Variants in GTF2IRD1 observed in about 807,000 individuals in gnomAD.
GTF2IRD1 encodes the protein general transcription factor II-I repeat domain-containing protein 1.
A neutral mutation model predicts 113.2 loss-of-function variants in GTF2IRD1; 26 were observed. That is an observed-to-expected ratio of 0.23 (90% CI 0.17 to 0.32). The LOEUF (loss-of-function observed/expected upper bound fraction) is 0.32, where lower values mean the gene tolerates loss of function less well. Ranked by LOEUF, GTF2IRD1 falls within the 10% of genes least tolerant of loss-of-function variation. GTF2IRD1 has a pLI of 1.00. For missense variants in GTF2IRD1, 864 were observed against 1,280.8 expected, an observed-to-expected ratio of 0.67 and a Z score of 4.97; for synonymous variants, 484 against 529.1, an observed-to-expected ratio of 0.91 and a Z score of 1.17.
intron 1 of GTF2IRD1, among the ~76,000 whole-genome samples, chr7:74,483,854 CTT>C (rs1319760276): frequency 6.6e-6 from 1 of 150,774 alleles, no homozygotes; most frequent in East Asian, 1.9e-4. Flanking sequence ...GACTCTGTCT[CTT>C]TAAAAAAAAA....
At chr7:74,486,434 C>G (rs2117172050) in intron 1 of GTF2IRD1, among the ~76,000 whole-genome samples, 1 of 152,300 alleles carries the variant, frequency 6.6e-6, no homozygotes, top group African/African-American at 2.4e-5. Context: ...TGGATGTCAG[C>G]CACCAGGCAG....
intron 1 of GTF2IRD1, among the ~76,000 whole-genome samples, chr7:74,481,647 G>A (rs782091049): frequency 6.6e-6 from 1 of 152,188 alleles, no homozygotes; most frequent in Non-Finnish European, 1.5e-5. Flanking sequence ...AGGTCATCCT[G>A]TCCAGTGTTG....
chr7:74,541,128 A>G (rs1326353060), intron 14 of GTF2IRD1, among the ~76,000 whole-genome samples: 2 of 152,006 alleles, frequency 1.3e-5, no homozygotes, highest in Non-Finnish European at 2.9e-5. Flanking sequence ...GGGAAAAAGC[A>G]GTGGACCAAA....
chr7:74,571,092 C>T (rs1292607379), intron 22 of GTF2IRD1: 22 of 984,868 alleles, frequency 2.2e-5, no homozygotes, highest in Non-Finnish European at 2.5e-5. Flanking sequence ...TGTGGGAAGG[C>T]AGCGCCCCAC....
chr7:74,586,674 C>G (rs1486650999), intron 22 of GTF2IRD1, among the ~76,000 whole-genome samples: 16 of 152,234 alleles, frequency 1.1e-4, no homozygotes, highest in South Asian at 2.1e-4. Flanking sequence ...GGGAAGCTCC[C>G]TGCTCTTTGG....
intron 1 of GTF2IRD1, among the ~76,000 whole-genome samples, chr7:74,490,135 T>C (rs1353160700): frequency 6.6e-6 from 1 of 152,056 alleles, no homozygotes; most frequent in Non-Finnish European, 1.5e-5. Flanking sequence ...CCTGGCTAAC[T>C]TTTTTGTTTT....
rs190805517 is a variant in GTF2IRD1, at chr7:74,593,995, C to T, written c.2592-1019C>T. On this transcript the variant is annotated intron_variant, in intron 24 of 26. Transcript: ENST00000424337. The stretch of plus-strand genomic sequence containing the variant: ...CGGGCAGTTCACGAGGTCAGGAGTT[C>T]GAGACCAGCCTGGCCAACATAGTGA... Among the ~76,000 whole-genome samples, 12 of 151,822 alleles carry T rather than the reference C, an allele frequency of 7.9e-5. No homozygotes were observed. The East Asian group carries it at 1.2e-3, about 15-fold the overall frequency.
intron 22 of GTF2IRD1, among the ~76,000 whole-genome samples, chr7:74,576,121 C>T (rs1801043262): frequency 1.3e-5 from 2 of 151,856 alleles, no homozygotes; most frequent in African/African-American, 4.8e-5. Flanking sequence ...GATTGTGCCA[C>T]TGAACTCCAG....
chr7:74,591,360 G>C (rs1389239692), intron 24 of GTF2IRD1, among the ~76,000 whole-genome samples: 5 of 145,660 alleles, frequency 3.4e-5, no homozygotes, highest in Admixed American at 1.4e-4. Context: ...TAATTCCATA[G>C]TCTCAGTGAT....
chr7:74,572,358 CTGATCTTGGATAAGTTAACTTGCTACCTG>C (rs1800746054), intron 22 of GTF2IRD1, among the ~76,000 whole-genome samples: 3 of 152,168 alleles, frequency 2.0e-5, no homozygotes, highest in Admixed American at 1.3e-4. Context: ...CTTGCTATCT[CTGATCTTGGATAAGTTAACTTGCTACCTG>C]TGATCTTGGA....
chr7:74,535,232 C>T lies in GTF2IRD1; in HGVS notation c.1300+94C>T, dbSNP rs112072865. On this transcript the variant is annotated intron_variant, in intron 10 of 26. Transcript: ENST00000424337. ...CCACCCTGGACTTGGTCCTCCTGAG[C>T]GCCTCCCCTCAGGCAGGGAGGGAGG... 2.6e-4 allele frequency: 243 copies of T among 951,640 alleles called. No homozygotes were observed. The African/African-American group carries it at 3.1e-3, about 12-fold the overall frequency. The allele number at this position is 951,640 out of a possible 1,614,324, so 58.9% of individuals were successfully genotyped here. A position where few individuals can be genotyped will look rare whatever the true frequency, so the allele number is the denominator to read the frequency against.
In GTF2IRD1 at chr7:74,601,412, CT is replaced by C; in HGVS notation, c.2766+233del. On this transcript the variant is annotated intron_variant, in intron 26 of 26. Transcript: ENST00000424337. ...ACTCAGGCAGGAATTCACATCCTCG[CT>C]GGGCAGATGGGCCGGCTGAGGTCCA... 4 of 1,483,710 alleles carry C rather than the reference CT, an allele frequency of 2.7e-6. No individual in the cohort carries two copies. The South Asian group carries it at 5.3e-5, about 20-fold the overall frequency. The allele number at this position is 1,483,710 out of a possible 1,614,324, so 91.9% of individuals were successfully genotyped here.
In GTF2IRD1 at chr7:74,475,628, C is replaced by T. The variant is rs1034327581; in HGVS notation, c.-7+21452C>T. On this transcript the variant is annotated intron_variant, in intron 1 of 26. Transcript: ENST00000424337. ...GGGGAGGGGCCGCTTCATGAAATTG[C>T]ACCACCTGGCCAAGGCTCGGGCAAG... is the stretch of plus-strand genomic sequence containing the variant. Among the ~76,000 whole-genome samples, 5 of 152,308 alleles carry T rather than the reference C, an allele frequency of 3.3e-5. No individual in the cohort carries two copies. In the South Asian group the frequency reaches 6.2e-4, roughly 19 times the overall value.
At chr7:74,510,767 G>A (rs1796581761) in intron 2 of GTF2IRD1, among the ~76,000 whole-genome samples, 1 of 152,120 alleles carries the variant, frequency 6.6e-6, no homozygotes, top group African/African-American at 2.4e-5. Context: ...ACACTGGGTT[G>A]GCCAGGCGCA....
intron 17 of GTF2IRD1, among the ~76,000 whole-genome samples, chr7:74,548,407 G>A (rs1211427874): frequency 4.6e-5 from 7 of 151,442 alleles, no homozygotes; most frequent in Admixed American, 4.6e-4. Context: ...GGGCAACAGA[G>A]CGAGACTTCG....
intron 23 of GTF2IRD1, among the ~76,000 whole-genome samples, chr7:74,590,575 T>C (rs587636914): frequency 5.9e-5 from 9 of 151,332 alleles, no homozygotes; most frequent in African/African-American, 2.2e-4. Context: ...ATTTTTTTAG[T>C]AGAGACGAGG....
intron 1 of GTF2IRD1, among the ~76,000 whole-genome samples, chr7:74,477,582 A>C (rs1794499685): frequency 6.6e-6 from 1 of 152,100 alleles, no homozygotes; most frequent in South Asian, 2.1e-4. Flanking sequence ...CAGGTTCTCC[A>C]TTGACAGATG....
chr7:74,513,066 G>GT, intron 3 of GTF2IRD1, 95 bp downstream of exon 3: 2 of 1,205,370 alleles, frequency 1.7e-6, no homozygotes, highest in Non-Finnish European at 2.4e-6. Flanking sequence ...TCTAGCCAGG[G>GT]TGGCGGTGTG....
chr7:74,547,073 G>A (rs1562858247), intron 16 of GTF2IRD1, 30 bp from the exon 17 acceptor site: 1 of 1,596,598 alleles, frequency 6.3e-7, no homozygotes, highest in African/African-American at 1.3e-5. Flanking sequence ...TGTGGCACCG[G>A]GTGGCCCTAC....
Sources: allele counts gnomAD v4.1 joint callset (sites outside exome capture counted in the v4.1 genomes callset), GRCh38; gene constraint gnomAD v4.1.1; transcripts MANE v1.5; gene names NCBI Gene and HGNC (gene_info 2026-07-23, HGNC 2026-07-21).